DDX10: variants seen among roughly 807,000 people sequenced by gnomAD.
DDX10 encodes DEAD-box helicase 10.
DDX10 carries 74 observed loss-of-function variants against 104.3 expected under a neutral mutation model. The ratio of observed to expected loss-of-function variants is 0.71; its 90% CI spans 0.59 to 0.86. DDX10 has a LOEUF of 0.86. Ranked by LOEUF, DDX10 falls within the 40% of genes least tolerant of loss-of-function variation. The pLI is 0.00. For synonymous variants in DDX10, 351 were observed against 353.4 expected (o/e 0.99, Z 0.08); for missense variants, 952 against 1,040.0 (o/e 0.92, Z 1.16).
rs139178401 is a variant in DDX10, at chr11:108,796,911, G to T, written c.1966-41535G>T. Reference sequence around the variant, plus strand: ...GTTTCGTATGTGTGATGCCTTTCACGGTGTTATAATGCAGCAAGAAGGCCC... The same window carrying T: ...GTTTCGTATGTGTGATGCCTTTCACTGTGTTATAATGCAGCAAGAAGGCCC... On this transcript the variant is annotated intron_variant, in intron 13 of 17. Coordinates refer to ENST00000322536, the MANE Select transcript of DDX10 (RefSeq NM_004398.4). Among the ~76,000 whole-genome samples, 1,429 of 152,238 alleles carry T rather than the reference G, an allele frequency of 9.4e-3. 15 individuals carry two copies. The highest frequency in any genetic ancestry group is 0.02 in the Admixed American group (304 of 15,290).
At chr11:108,831,634 A>G (rs1420414893) in intron 13 of DDX10, among the ~76,000 whole-genome samples, 1 of 151,988 alleles carries the variant, frequency 6.6e-6, no homozygotes, top group Non-Finnish European at 1.5e-5. Context: ...ATTTCTTTGG[A>G]CTGTCTTTAA....
At chr11:108,928,448 C>T (rs901500582) in intron 17 of DDX10, among the ~76,000 whole-genome samples, 4 of 151,616 alleles carry the variant, frequency 2.6e-5, no homozygotes, top group Admixed American at 2.6e-4. Flanking sequence ...TGCCCACATG[C>T]ACCACTGCTT....
intron 17 of DDX10, among the ~76,000 whole-genome samples, chr11:108,924,812 T>G (rs1196112053): frequency 6.6e-6 from 1 of 152,228 alleles, no homozygotes; most frequent in Non-Finnish European, 1.5e-5. Flanking sequence ...TTCATTTCTT[T>G]CTTGTTTTTG....
intron 6 of DDX10, among the ~76,000 whole-genome samples, chr11:108,687,949 CT>C (rs1031969201): frequency 6.6e-6 from 1 of 152,172 alleles, no homozygotes; most frequent in African/African-American, 2.4e-5. Flanking sequence ...GTATAGCCCC[CT>C]GATAAATAGT....
At chr11:108,713,997 A>G (rs1161167150) in intron 10 of DDX10, among the ~76,000 whole-genome samples, 1 of 152,196 alleles carries the variant, frequency 6.6e-6, no homozygotes, top group Non-Finnish European at 1.5e-5. Context: ...GCTCAGATAA[A>G]ACCCTAAGAG....
At chr11:108,798,178 C>A (rs1861972159) in intron 13 of DDX10, among the ~76,000 whole-genome samples, 1 of 152,120 alleles carries the variant, frequency 6.6e-6, no homozygotes, top group Admixed American at 6.5e-5. Flanking sequence ...ACTCTAAATG[C>A]CTAGTCTTCA....
intron 16 of DDX10, among the ~76,000 whole-genome samples, chr11:108,870,822 G>A (rs1167667515): frequency 6.6e-6 from 1 of 152,158 alleles, no homozygotes; most frequent in Admixed American, 6.5e-5. Flanking sequence ...GTTCACTGCT[G>A]AATCACCAGT....
At chr11:108,869,581 A>T (rs1358147980) in intron 16 of DDX10, among the ~76,000 whole-genome samples, 1 of 152,126 alleles carries the variant, frequency 6.6e-6, no homozygotes, top group East Asian at 1.9e-4. Flanking sequence ...TAAATGCATA[A>T]GTCTTGCTGT....
At chr11:108,860,117 A>C (rs1289361807) in intron 16 of DDX10, among the ~76,000 whole-genome samples, 2 of 152,186 alleles carry the variant, frequency 1.3e-5, no homozygotes, top group Non-Finnish European at 2.9e-5. Flanking sequence ...ACTTGATTTT[A>C]GTAATTCTCA....
At chr11:108,790,645 A>T (rs1021300183) in intron 13 of DDX10, among the ~76,000 whole-genome samples, 1 of 152,190 alleles carries the variant, frequency 6.6e-6, no homozygotes, top group African/African-American at 2.4e-5. Context: ...GTTCCAGAGG[A>T]TGTAGGTGTA....
At chr11:108,847,611 GT>G (rs946582050) in intron 15 of DDX10, among the ~76,000 whole-genome samples, 13 of 152,114 alleles carry the variant, frequency 8.5e-5, no homozygotes, top group Non-Finnish European at 4.4e-5. Flanking sequence ...AATCTATCTT[GT>G]TTTATTGTTG....
At chr11:108,825,551 C>A (rs949549825) in intron 13 of DDX10, among the ~76,000 whole-genome samples, 50 of 152,254 alleles carry the variant, frequency 3.3e-4, no homozygotes, top group African/African-American at 1.2e-3. Flanking sequence ...CAGCTGAGAT[C>A]ACTGCATATC....
intron 16 of DDX10, among the ~76,000 whole-genome samples, chr11:108,863,635 T>C (rs925050889): frequency 6.6e-6 from 1 of 152,204 alleles, no homozygotes; most frequent in Non-Finnish European, 1.5e-5. Flanking sequence ...ACATGAGTTG[T>C]GCATGTCTGA....
chr11:108,872,545 T>G (rs1591104830), intron 16 of DDX10, among the ~76,000 whole-genome samples: 1 of 152,300 alleles, frequency 6.6e-6, no homozygotes, highest in East Asian at 1.9e-4. Flanking sequence ...TCTCCCCAGG[T>G]TTAGACAGCT....
chr11:108,793,979 C>T (rs1861905788), intron 13 of DDX10, among the ~76,000 whole-genome samples: 1 of 152,008 alleles, frequency 6.6e-6, no homozygotes, highest in Non-Finnish European at 1.5e-5. Context: ...CCTCCAGTTC[C>T]ATCCACGTTT....
chr11:108,807,702 G>A (rs1343419145), intron 13 of DDX10, among the ~76,000 whole-genome samples: 1 of 152,184 alleles, frequency 6.6e-6, no homozygotes, highest in Non-Finnish European at 1.5e-5. Flanking sequence ...ATGCTTGGTA[G>A]GCACCTGGAC....
rs1863581586 is a variant in DDX10 at position 108,905,359 on chromosome 11, T to A, written c.2305-12514T>A. On this transcript the variant is annotated intron_variant, in intron 16 of 17. Coordinates refer to ENST00000322536, the MANE Select transcript of DDX10 (RefSeq NM_004398.4). ...TGTGATCCAGTCCCACCACCTGAAG[T>A]TTCCTCTATATATGTTTTTTATAGT... Among the ~76,000 whole-genome samples, 4 of 122,658 alleles carry A rather than the reference T, an allele frequency of 3.3e-5. No individual in the cohort carries two copies. The Admixed American group carries it at 3.6e-4, about 11-fold the overall frequency. 80.5% of individuals were successfully genotyped at this position (122,658 alleles called of 152,430 possible). A position where few individuals can be genotyped will look rare whatever the true frequency, so the allele number is the denominator to read the frequency against.
At chr11:108,692,357 A>G (rs1178593461) in intron 8 of DDX10, among the ~76,000 whole-genome samples, 2 of 152,234 alleles carry the variant, frequency 1.3e-5, no homozygotes, top group African/African-American at 2.4e-5. Flanking sequence ...AAACTTGTTT[A>G]TAGATACTGA....
At chr11:108,877,484 T>C (rs1863168758) in intron 16 of DDX10, among the ~76,000 whole-genome samples, 1 of 152,204 alleles carries the variant, frequency 6.6e-6, no homozygotes, top group African/African-American at 2.4e-5. Flanking sequence ...AGAAGCCTAT[T>C]GTTACAGCAT....
Sources: gnomAD v4.1 joint callset for allele counts (sites outside exome capture counted in the v4.1 genomes callset) on GRCh38, gnomAD v4.1.1 for gene constraint, MANE v1.5 for transcripts, NCBI Gene and HGNC (gene_info 2026-07-23, HGNC 2026-07-21) for gene names.